The following FOXP1 variants were observed in gnomAD, a reference collection of about 807,000 sequenced individuals.
The protein encoded by FOXP1 is forkhead box P1.
A neutral mutation model predicts 98.2 loss-of-function variants in FOXP1; 15 were observed. The observed-to-expected ratio is 0.15, with a 90% confidence interval of 0.10 to 0.24. The LOEUF (loss-of-function observed/expected upper bound fraction) is 0.24, where lower values mean the gene tolerates loss of function less well. Ranked by LOEUF, FOXP1 falls within the 10% of genes least tolerant of loss-of-function variation. The pLI, the probability that FOXP1 is intolerant of heterozygous loss-of-function variation, is 1.00. For synonymous variants in FOXP1, 371 were observed against 314.5 expected (o/e 1.18, Z -1.90); for missense variants, 633 against 848.5 (o/e 0.75, Z 3.15).
intron 2 of FOXP1, among the ~76,000 whole-genome samples, chr3:71,548,208 G>A (rs1229058821): frequency 2.0e-5 from 3 of 152,020 alleles, no homozygotes; most frequent in African/African-American, 7.2e-5. Context: ...CATTAATGTG[G>A]GTGTTTTAAA....
chr3:71,348,128 TCTAA>T (rs776299120), intron 4 of FOXP1, among the ~76,000 whole-genome samples: 133 of 152,294 alleles, frequency 8.7e-4, no homozygotes, highest in East Asian at 2.9e-3. Flanking sequence ...TCTCTCTCTC[TCTAA>T]CTATTTTCTT....
intron 7 of FOXP1, among the ~76,000 whole-genome samples, chr3:71,110,603 A>G (rs2057836030): frequency 6.6e-6 from 1 of 152,246 alleles, no homozygotes; most frequent in Admixed American, 6.5e-5. Flanking sequence ...CTCTGTCCAC[A>G]GGAGATGCCC....
At chr3:71,515,272 C>T (rs1425000083) in intron 2 of FOXP1, among the ~76,000 whole-genome samples, 3 of 152,066 alleles carry the variant, frequency 2.0e-5, no homozygotes, top group Non-Finnish European at 2.9e-5. Context: ...GTATGGAAAG[C>T]TGCTATGTGG....
At chr3:71,015,882 T>C (rs1261985724) in intron 11 of FOXP1, among the ~76,000 whole-genome samples, 2 of 152,216 alleles carry the variant, frequency 1.3e-5, no homozygotes, top group Non-Finnish European at 2.9e-5. Context: ...TGTACATCTA[T>C]GTATGAAAAA....
At chr3:71,254,147 C>G (rs2068440186) in intron 5 of FOXP1, among the ~76,000 whole-genome samples, 1 of 152,128 alleles carries the variant, frequency 6.6e-6, no homozygotes. Flanking sequence ...CTAATCCAAC[C>G]TCCATGCCTT....
At chr3:71,039,544 C>T (rs2048050772) in intron 11 of FOXP1, among the ~76,000 whole-genome samples, 1 of 152,130 alleles carries the variant, frequency 6.6e-6, no homozygotes, top group Non-Finnish European at 1.5e-5. Context: ...TCTGTGCAGG[C>T]TCCACAACAG....
intron 2 of FOXP1, among the ~76,000 whole-genome samples, chr3:71,521,632 A>G (rs187189046): frequency 1.6e-3 from 242 of 152,316 alleles, no homozygotes; most frequent in African/African-American, 5.7e-3. Context: ...TGTGGTCCAA[A>G]GATTTGTTTC....
chr3:71,014,691 A>G (rs1358500747), intron 12 of FOXP1, among the ~76,000 whole-genome samples: 1 of 152,218 alleles, frequency 6.6e-6, no homozygotes, highest in Non-Finnish European at 1.5e-5. Flanking sequence ...ACACATGCAC[A>G]TGTATGTTTA....
chr3:71,320,830 C>A (rs186307501), intron 4 of FOXP1, among the ~76,000 whole-genome samples: 190 of 152,246 alleles, frequency 1.2e-3, no homozygotes, highest in African/African-American at 4.4e-3. Context: ...TTCAGCAACA[C>A]GCGGCCAAGC....
At chr3:71,040,926 T>G (rs2048260620) in intron 11 of FOXP1, among the ~76,000 whole-genome samples, 1 of 152,188 alleles carries the variant, frequency 6.6e-6, no homozygotes, top group Non-Finnish European at 1.5e-5. Context: ...ACATAAGTTC[T>G]ATGTTTTCTC....
chr3:70,972,126 C>A (rs1372401579), intron 18 of FOXP1: 1 of 1,534,326 alleles, frequency 6.5e-7, no homozygotes, highest in Non-Finnish European at 8.7e-7. Context: ...GACCCAAACT[C>A]ATCCTCTACT....
At chr3:71,366,301 T>C (rs942841730) in intron 3 of FOXP1, among the ~76,000 whole-genome samples, 3 of 152,202 alleles carry the variant, frequency 2.0e-5, no homozygotes, top group African/African-American at 7.2e-5. Flanking sequence ...TTATCTTAAA[T>C]GTCTATCAAA....
chr3:71,394,999 C>T (rs1577283239), intron 3 of FOXP1, among the ~76,000 whole-genome samples: 2 of 148,654 alleles, frequency 1.3e-5, no homozygotes, highest in South Asian at 2.1e-4. Flanking sequence ...ACTTGGGAGG[C>T]TGAGGCAGGA....
chr3:71,380,698 A>AT (rs11395817), intron 3 of FOXP1, among the ~76,000 whole-genome samples: 35,896 of 100,276 alleles, frequency 0.36, 8,142 homozygotes, highest in East Asian at 0.84. Flanking sequence ...CTTTTTAGAC[A>AT]TTTTTTTTTT....
intron 20 of FOXP1, among the ~76,000 whole-genome samples, chr3:70,959,676 G>C (rs1159966884): frequency 3.9e-5 from 6 of 152,172 alleles, no homozygotes; most frequent in Admixed American, 3.9e-4. Context: ...TTGCATCACT[G>C]CGTAAAGTTC....
chr3:71,488,986 C>T (rs60405683), intron 3 of FOXP1, among the ~76,000 whole-genome samples: 1 of 151,986 alleles, frequency 6.6e-6, no homozygotes, highest in African/African-American at 2.4e-5. Flanking sequence ...AGCACAACAC[C>T]GTGGGCTGGC....
At chr3:71,397,060 G>A (rs1374675110) in intron 3 of FOXP1, among the ~76,000 whole-genome samples, 9 of 91,160 alleles carry the variant, frequency 9.9e-5, no homozygotes, top group East Asian at 8.7e-4. Flanking sequence ...ACATATATAT[G>A]TGTATATATA....
At chr3:71,297,505 C>A (rs905687821) in intron 5 of FOXP1, among the ~76,000 whole-genome samples, 343 of 136,146 alleles carry the variant, frequency 2.5e-3, no homozygotes, top group Non-Finnish European at 4.3e-3. Flanking sequence ...AAAAAAAAAA[C>A]AAAACAACAA....
At chr3:71,576,309 T>C (rs1559550368) in intron 2 of FOXP1, among the ~76,000 whole-genome samples, 1 of 152,120 alleles carries the variant, frequency 6.6e-6, no homozygotes, top group South Asian at 2.1e-4. Context: ...GGAACACAAC[T>C]GTGTATGTAT....
Sources: gnomAD v4.1 joint callset for allele counts (sites outside exome capture counted in the v4.1 genomes callset) on GRCh38, gnomAD v4.1.1 for gene constraint, MANE v1.5 for transcripts, NCBI Gene and HGNC (gene_info 2026-07-23, HGNC 2026-07-21) for gene names.